AKAP12: variants seen among roughly 807,000 people sequenced by gnomAD.
AKAP12 encodes the protein A-kinase anchoring protein 12, also known as A-kinase anchor protein 12.
AKAP12 carries 32 observed loss-of-function variants against 79.9 expected under a neutral mutation model. The ratio of observed to expected loss-of-function variants is 0.40; its 90% CI spans 0.30 to 0.54. The LOEUF (loss-of-function observed/expected upper bound fraction) is 0.54. Among genes scored for constraint, AKAP12 ranks in the 20% least tolerant of loss-of-function variants. AKAP12 has a pLI of 0.48. For missense variants in AKAP12, 2,074 were observed against 2,177.0 expected (o/e 0.95, Z 0.94); for synonymous variants, 808 against 857.0 (o/e 0.94, Z 1.00).
At position 151,271,925 on chromosome 6, in the gene AKAP12, G is replaced by C. The variant is rs538522125; in HGVS notation, c.162+31201G>C. On this transcript the variant is annotated intron_variant, in intron 2 of 4. Coordinates refer to ENST00000402676, the MANE Select transcript of AKAP12 (RefSeq NM_005100.4). ...TCCACCCACCTCGGCCTCCCAAAGT[G>C]CTGGGGTTACAGGCGTGAGCCACCA... Among the ~76,000 whole-genome samples, 9 of 152,316 alleles carry C rather than the reference G, an allele frequency of 5.9e-5. No homozygotes were observed. The East Asian group carries it at 1.7e-3, about 29-fold the overall frequency.
chr6:151,341,680 C>T (rs950929517), intron 3 of AKAP12: 10 of 1,208,044 alleles, frequency 8.3e-6, no homozygotes, highest in Non-Finnish European at 9.4e-6. Flanking sequence ...GTGGAGTAAA[C>T]TCTGCAGTGA....
chr6:151,324,761 C>CA, intron 3 of AKAP12: 1 of 985,226 alleles, frequency 1.0e-6, no homozygotes, highest in Non-Finnish European at 1.2e-6. Flanking sequence ...AATTGGAGTA[C>CA]AAAAAAAGTG....
intron 3 of AKAP12, chr6:151,348,254 G>GAC: frequency 2.4e-6 from 1 of 416,914 alleles, no homozygotes; most frequent in East Asian, 7.0e-5. Context: ...TTGAACCTAG[G>GAC]ACAGAGGTTG....
At position 151,352,266 on chromosome 6, in the gene AKAP12, T is replaced by A. The variant is rs949427424; in HGVS notation, c.3875T>A (p.Ile1292Lys). Reference protein sequence around the residue: ...EGLEGSIDTGITVSREKVTEV... With the variant: ...EGLEGSIDTGKTVSREKVTEV... ...CTTGAGGGGTCTATAGACACAGGCATAACAGTCAGTCGGGAAAAGGTCACT... is the reference window on the plus strand; with the variant it reads ...CTTGAGGGGTCTATAGACACAGGCAAAACAGTCAGTCGGGAAAAGGTCACT... The change falls in exon 4 of 5, where the codon ATA (isoleucine) becomes AAA (lysine). Residue 1292 changes from isoleucine (I) to lysine (K), a missense_variant. By Grantham distance (102) the Ile-to-Lys change is moderately radical. This residue lies in a region of AKAP12 where 614 missense variants were observed against 665.6 expected (regional missense o/e 0.92). Transcript: ENST00000402676. The A allele has an allele frequency of 3.1e-6, 5 of 1,614,018 alleles. No individual in the cohort carries two copies. The highest frequency in any genetic ancestry group is 4.2e-6 in the Non-Finnish European group (5 of 1,180,016).
At chr6:151,309,982 AAAAG>A (rs1777055243) in intron 3 of AKAP12, among the ~76,000 whole-genome samples, 1 of 152,048 alleles carries the variant, frequency 6.6e-6, no homozygotes. Context: ...GAAAAAAAAA[AAAAG>A]AAAAAGAAAA....
At chr6:151,287,133 G>T (rs1237747890) in intron 2 of AKAP12, among the ~76,000 whole-genome samples, 1 of 151,864 alleles carries the variant, frequency 6.6e-6, no homozygotes, top group Admixed American at 6.6e-5. Flanking sequence ...TAGAGATGGG[G>T]TTTCACCGTG....
intron 4 of AKAP12, among the ~76,000 whole-genome samples, chr6:151,354,586 G>GC (rs1778398105): frequency 6.7e-6 from 1 of 148,576 alleles, no homozygotes; most frequent in Non-Finnish European, 1.5e-5. Context: ...TGTTAGCCAG[G>GC]AGGTCTCGAT....
intron 2 of AKAP12, among the ~76,000 whole-genome samples, chr6:151,254,593 G>A (rs979195478): frequency 6.6e-6 from 1 of 152,034 alleles, no homozygotes; most frequent in Non-Finnish European, 1.5e-5. Flanking sequence ...CACCCACCTC[G>A]GCCTTCCAAA....
intron 2 of AKAP12, among the ~76,000 whole-genome samples, chr6:151,259,442 G>GTGTATATATATACACACATATATACA: frequency 7.0e-6 from 1 of 143,884 alleles, no homozygotes; most frequent in Middle Eastern, 3.8e-3. Context: ...GTGTATATAT[G>GTGTATATATATACACACATATATACA]TGTATATATA....
chr6:151,334,017 C>T (rs557465045), intron 3 of AKAP12, among the ~76,000 whole-genome samples: 14 of 152,020 alleles, frequency 9.2e-5, no homozygotes, highest in East Asian at 1.9e-4. Flanking sequence ...TGTCTGTAAT[C>T]CCAGCACTTT....
At chr6:151,285,501 T>A (rs78915193) in intron 2 of AKAP12, among the ~76,000 whole-genome samples, 2,233 of 151,982 alleles carry the variant, frequency 0.015, 24 homozygotes, top group Middle Eastern at 0.054. Flanking sequence ...AGGATTTTTT[T>A]AAAGAACAAT....
chr6:151,324,409 A>G (rs1301722149), intron 3 of AKAP12: 9 of 985,286 alleles, frequency 9.1e-6, no homozygotes, highest in South Asian at 9.4e-5. Flanking sequence ...AGTGTGGTGC[A>G]TCGCGCCCCC....
intron 2 of AKAP12, among the ~76,000 whole-genome samples, chr6:151,285,379 T>G (rs1051058249): frequency 7.9e-6 from 1 of 126,430 alleles, no homozygotes; most frequent in African/African-American, 3.0e-5. Context: ...GAGAGCTGCA[T>G]TTCACTGTGT....
intron 3 of AKAP12, among the ~76,000 whole-genome samples, chr6:151,311,998 A>T (rs1207445720): frequency 6.6e-6 from 1 of 152,192 alleles, no homozygotes; most frequent in Non-Finnish European, 1.5e-5. Context: ...GCCCAGAAGG[A>T]ATATTTTTAT....
chr6:151,321,916 T>TTG (rs1562738066), intron 3 of AKAP12, among the ~76,000 whole-genome samples: 1 of 110,462 alleles, frequency 9.1e-6, no homozygotes, highest in African/African-American at 3.6e-5. Flanking sequence ...TTTTTTTTTT[T>TTG]TTTTTTTTTT....
Position 151,353,107 on chromosome 6 carries a change from G to A in AKAP12, c.4716G>A (p.Leu1572=). ...VRTEETATEM[L]TSELQTQAHV... Reference sequence around the variant, plus strand: ...CAGAAGAAACAGCCACCGAAATGTTGACGTCTGAGTTACAGACACAAGCTC... The same window carrying A: ...CAGAAGAAACAGCCACCGAAATGTTAACGTCTGAGTTACAGACACAAGCTC... The change falls in exon 4 of 5, where the codon TTG becomes TTA. Residue 1572 remains leucine (L), a synonymous_variant. Coordinates refer to ENST00000402676, the MANE Select transcript of AKAP12 (RefSeq NM_005100.4). 1 of 1,614,152 alleles carries A rather than the reference G, an allele frequency of 6.2e-7. No individual in the cohort carries two copies. The highest frequency in any genetic ancestry group is 8.5e-7 in the Non-Finnish European group (1 of 1,180,034).
At chr6:151,269,174 T>A (rs1401234015) in intron 2 of AKAP12, among the ~76,000 whole-genome samples, 1 of 152,054 alleles carries the variant, frequency 6.6e-6, no homozygotes, top group Non-Finnish European at 1.5e-5. Context: ...GTGGCTTTTT[T>A]AAAATTTTGA....
intron 2 of AKAP12, among the ~76,000 whole-genome samples, chr6:151,256,042 G>A (rs1414900059): frequency 1.3e-5 from 2 of 152,066 alleles, no homozygotes; most frequent in African/African-American, 4.8e-5. Flanking sequence ...GCACCAATCC[G>A]ACAGTGCTCA....
intron 3 of AKAP12, among the ~76,000 whole-genome samples, chr6:151,308,380 CTT>C (rs571498310): frequency 1.4e-3 from 206 of 151,284 alleles, no homozygotes; most frequent in African/African-American, 4.8e-3. Context: ...GCCCAGCTAA[CTT>C]TTGTATTTTC....
Sources: gnomAD v4.1 joint callset for allele counts (sites outside exome capture counted in the v4.1 genomes callset) on GRCh38, gnomAD v4.1.1 for gene constraint, gnomAD v4.1.1 regional missense constraint, MANE v1.5 for transcripts, NCBI Gene and HGNC (gene_info 2026-07-23, HGNC 2026-07-21) for gene names.